PTH2R: variants seen among roughly 807,000 people sequenced by gnomAD.
The protein encoded by PTH2R is parathyroid hormone 2 receptor, also known as PTH2 receptor.
A neutral mutation model predicts 60.3 loss-of-function variants in PTH2R; 59 were observed. The observed-to-expected ratio is 0.98, with a 90% CI of 0.79 to 1.22. The LOEUF is 1.22. PTH2R is among the 50% of genes most tolerant of loss of function. PTH2R has a pLI of 0.00. For synonymous variants in PTH2R, 256 were observed against 243.8 expected (o/e 1.05, Z -0.47); for missense variants, 749 against 682.6 (o/e 1.10, Z -1.08).
chr2:208,493,164 T>G, intron 12 of PTH2R, 100 bp from the exon 13 acceptor site: 2 of 1,258,586 alleles, frequency 1.6e-6, no homozygotes, highest in Non-Finnish European at 2.1e-6. Context: ...CCTCAATCAA[T>G]GATTATTGCT....
Position 208,494,327 on chromosome 2 carries a change from C to T in PTH2R, c.*668C>T, listed in dbSNP as rs1703484582. The stretch of plus-strand genomic sequence containing the variant: ...AGACCTCAGGTCTTCACTCTTTCTT[C>T]TTTGTAAACTATGTCATGTGGAAAG... On this transcript the variant is annotated 3_prime_UTR_variant, in exon 13 of 13. Coordinates refer to ENST00000272847, the MANE Select transcript of PTH2R (RefSeq NM_005048.4). The T allele has an allele frequency of 6.6e-6, 1 of 152,190 alleles. No homozygotes were observed. The highest frequency in any genetic ancestry group is 2.4e-5 in the African/African-American group (1 of 41,442). The allele number at this position is 152,190 out of a possible 1,614,324, so 9.4% of individuals were successfully genotyped here.
At chr2:208,431,375 A>T (rs1208310312) in intron 2 of PTH2R, among the ~76,000 whole-genome samples, 3 of 152,178 alleles carry the variant, frequency 2.0e-5, no homozygotes, top group Non-Finnish European at 4.4e-5. Flanking sequence ...CTGCTGGTCA[A>T]TGCTGACCAC....
chr2:208,407,192 C>A, intron 1 of PTH2R, 74 bp downstream of exon 1: 1 of 1,284,898 alleles, frequency 7.8e-7, no homozygotes, highest in Non-Finnish European at 1.0e-6. Context: ...GACACGGAGG[C>A]CAGGTGCGCG....
intron 7 of PTH2R, among the ~76,000 whole-genome samples, chr2:208,447,517 G>T (rs1193699008): frequency 2.0e-5 from 3 of 151,576 alleles, no homozygotes; most frequent in African/African-American, 7.3e-5. Context: ...GAACCCAGGA[G>T]GTGGAGCTTG....
At chr2:208,477,030 T>A (rs1204302274) in intron 9 of PTH2R, among the ~76,000 whole-genome samples, 1 of 152,152 alleles carries the variant, frequency 6.6e-6, no homozygotes, top group African/African-American at 2.4e-5. Flanking sequence ...AATTCTACAT[T>A]GAAGGGGGAT....
Position 208,437,646 on chromosome 2 carries a change from A to T in PTH2R, c.288A>T (p.Lys96Asn). 6.2e-7 allele frequency: 1 copy of T among 1,609,362 alleles called. No homozygotes were observed. Reference protein sequence around the residue: ...CPPYIYDFNHKGVAFRHCNPN... With the variant: ...CPPYIYDFNHNGVAFRHCNPN... The stretch of plus-strand genomic sequence containing the variant: ...CTTATATTTATGACTTCAACCATAA[A>T]GGTATTGAATTTTTCTAAAATGATT... The change falls in exon 3 of 13, where the codon AAA (lysine) becomes AAT (asparagine). Residue 96 changes from lysine (K) to asparagine (N), a missense_variant and splice_region_variant. Physicochemically the swap from Lys to Asn is moderately conservative, Grantham distance 94. Coordinates refer to ENST00000272847, the MANE Select transcript of PTH2R (RefSeq NM_005048.4).
At position 208,437,544 on chromosome 2, in the gene PTH2R, T is replaced by C; in HGVS notation, c.186T>C (p.Asn62=). 1.2e-6 allele frequency: 2 copies of C among 1,602,714 alleles called. No individual in the cohort carries two copies. Among genetic ancestry groups the C allele is most frequent in the Non-Finnish European group, 1.7e-6 (2 of 1,175,388 alleles). ...ATTTTTTTTTCTCATTAGAAGGTAA[T>C]TGTTTCCCTGAATGGGATGGACTCA... ...ITAQLQEGEG[N]CFPEWDGLIC... Residue 62 remains asparagine (N), a synonymous_variant, in exon 3 of 13, where the codon AAT becomes AAC. Coordinates refer to ENST00000272847, the MANE Select transcript of PTH2R (RefSeq NM_005048.4).
intron 2 of PTH2R, among the ~76,000 whole-genome samples, chr2:208,437,272 G>A (rs971752289): frequency 2.6e-5 from 4 of 152,150 alleles, no homozygotes; most frequent in African/African-American, 9.7e-5. Context: ...AATTGCTATA[G>A]CTACCATAAC....
At chr2:208,462,410 A>G (rs1050508915) in intron 9 of PTH2R, among the ~76,000 whole-genome samples, 6 of 152,162 alleles carry the variant, frequency 3.9e-5, no homozygotes, top group African/African-American at 1.4e-4. Context: ...CCTAGGAGAG[A>G]GATTTGGCCC....
At chr2:208,458,179 C>T (rs1479014964) in intron 8 of PTH2R, among the ~76,000 whole-genome samples, 1 of 152,024 alleles carries the variant, frequency 6.6e-6, no homozygotes, top group Non-Finnish European at 1.5e-5. Flanking sequence ...AATTTGAATT[C>T]AATTGATGTC....
intron 1 of PTH2R, among the ~76,000 whole-genome samples, chr2:208,416,972 A>G (rs1439110687): frequency 6.6e-6 from 1 of 152,128 alleles, no homozygotes; most frequent in Non-Finnish European, 1.5e-5. Flanking sequence ...CTTTATATAT[A>G]TATCTATTCC....
intron 1 of PTH2R, among the ~76,000 whole-genome samples, chr2:208,426,659 G>A (rs1324830193): frequency 6.6e-6 from 1 of 152,158 alleles, no homozygotes; most frequent in Admixed American, 6.5e-5. Flanking sequence ...ATGAGATCTT[G>A]TGGTTTTGTA....
chr2:208,408,740 A>AGAAAGAGAGAGAGAGAGAGAGAGAG lies in PTH2R; in HGVS notation c.75+1622_75+1623insGAAAGAGAGAGAGAGAGAGAGAGAG, dbSNP rs1553542827. ...GAAAGGAAAGAGAGAGAGAGAGAGA[A>AGAAAGAGAGAGAGAGAGAGAGAGAG]AGAGAGAGAGAGAGAGAGAGAGAGA... On this transcript the variant is annotated intron_variant, in intron 1 of 12. Transcript: ENST00000272847. Among the ~76,000 whole-genome samples the AGAAAGAGAGAGAGAGAGAGAGAGAG allele has an allele frequency of 7.0e-3, 867 of 123,078 alleles. 9 individuals are homozygous for AGAAAGAGAGAGAGAGAGAGAGAGAG. Among genetic ancestry groups the AGAAAGAGAGAGAGAGAGAGAGAGAG allele is most frequent in the African/African-American group, 0.018 (461 of 25,444 alleles). The allele number at this position is 123,078 out of a possible 152,430, so 80.7% of individuals were successfully genotyped here. A position where few individuals can be genotyped will look rare whatever the true frequency, so the allele number is the denominator to read the frequency against.
At chr2:208,468,272 C>T (rs1702798835) in intron 9 of PTH2R, among the ~76,000 whole-genome samples, 1 of 152,164 alleles carries the variant, frequency 6.6e-6, no homozygotes, top group Admixed American at 6.5e-5. Context: ...ATAATAATAA[C>T]AACAACAAAC....
intron 10 of PTH2R, among the ~76,000 whole-genome samples, chr2:208,487,919 C>T (rs745995397): frequency 2.0e-5 from 3 of 152,174 alleles, no homozygotes; most frequent in Non-Finnish European, 2.9e-5. Context: ...AAAGTTACAG[C>T]CTTATGCAAT....
chr2:208,381,896 C>T (rs1393590826), intron 1 of PTH2R, among the ~76,000 whole-genome samples: 1 of 152,080 alleles, frequency 6.6e-6, no homozygotes, highest in Non-Finnish European at 1.5e-5. Flanking sequence ...ATCATATCTG[C>T]ACATTTGATT....
Position 208,459,945 on chromosome 2 carries a change from TCTTAGCAGCTATTGGGGTA to T in PTH2R, c.966_981+3del, listed in dbSNP as rs1702600139. The T allele has an allele frequency of 1.2e-6, 2 of 1,613,080 alleles. No homozygotes were observed. Among genetic ancestry groups the T allele is most frequent in the African/African-American group, 1.3e-5 (1 of 74,878 alleles). On this transcript the variant is annotated splice_donor_variant and splice_donor_region_variant and coding_sequence_variant and intron_variant, in exon 9 of 13. Transcript: ENST00000272847. LOFTEE classifies it high-confidence loss of function. ...ATCAAGTGGATTTATCAAGCACCGA[TCTTAGCAGCTATTGGGGTA>T]AGTTTAAAAGTTTGTATAGTTAAAA...
Position 208,437,811 on chromosome 2 carries a change from G to A in PTH2R, c.341G>A (p.Ser114Asn). Residue 114 changes from serine (S) to asparagine (N), a missense_variant, in exon 4 of 13, where the codon AGC becomes AAC. Transcript: ENST00000272847. ...AATGGAACATGGGATTTTATGCACAGCTTAAATAAAACATGGGCCAATTAT... is the reference window on the plus strand; with the variant it reads ...AATGGAACATGGGATTTTATGCACAACTTAAATAAAACATGGGCCAATTAT... ...NPNGTWDFMH[S>N]LNKTWANYSD... The A allele has an allele frequency of 6.2e-7, 1 of 1,613,802 alleles. No homozygotes were observed. The highest frequency in any genetic ancestry group is 8.5e-7 in the Non-Finnish European group (1 of 1,179,786).
At chr2:208,395,861 T>C (rs527820113) in intron 1 of PTH2R, among the ~76,000 whole-genome samples, 2 of 152,288 alleles carry the variant, frequency 1.3e-5, no homozygotes, top group East Asian at 3.9e-4. Flanking sequence ...AAGACAATCC[T>C]AAGCAAAAAG....
Sources: allele counts gnomAD v4.1 joint callset (sites outside exome capture counted in the v4.1 genomes callset), GRCh38; gene constraint gnomAD v4.1.1; transcripts MANE v1.5; gene names NCBI Gene and HGNC (gene_info 2026-07-23, HGNC 2026-07-21).